TENM2: variants seen among roughly 807,000 people sequenced by gnomAD.
TENM2 encodes the protein teneurin-2.
Under a neutral mutation model 245.2 loss-of-function variants are expected in TENM2, and 52 were observed. That is an observed-to-expected ratio of 0.21 (90% confidence interval 0.17 to 0.27). TENM2 has a LOEUF of 0.27. Ranked by LOEUF, TENM2 falls within the 10% of genes least tolerant of loss-of-function variation. TENM2 has a pLI of 1.00. For missense variants in TENM2, 3,046 were observed against 3,666.8 expected (o/e 0.83, Z 4.37); for synonymous variants, 1,363 against 1,438.9 (o/e 0.95, Z 1.19).
At chr5:167,891,445 T>C (rs1444952527) in intron 3 of TENM2, among the ~76,000 whole-genome samples, 1 of 152,144 alleles carries the variant, frequency 6.6e-6, no homozygotes, top group Non-Finnish European at 1.5e-5. Flanking sequence ...GCTGGACTTC[T>C]TAACAAGTAC....
chr5:168,060,227 GAAAAAAA>G (rs79503783), intron 6 of TENM2, among the ~76,000 whole-genome samples: 16 of 119,642 alleles, frequency 1.3e-4, no homozygotes, highest in South Asian at 2.6e-4. Context: ...TTGTCTCTAC[GAAAAAAA>G]AAAAAAAAGA....
At chr5:167,308,543 T>C (rs1351733546) in intron 1 of TENM2, among the ~76,000 whole-genome samples, 1 of 152,186 alleles carries the variant, frequency 6.6e-6, no homozygotes, top group Admixed American at 6.5e-5. Flanking sequence ...ATGTGCTGTC[T>C]CAGCCCAGGA....
chr5:167,125,072 G>A, the TENM2 span, among the ~76,000 whole-genome samples: 1 of 152,166 alleles, frequency 6.6e-6, no homozygotes, highest in Non-Finnish European at 1.5e-5. Context: ...GAAATGCCAA[G>A]TTCTTTTGGG....
intron 5 of TENM2, among the ~76,000 whole-genome samples, chr5:168,025,790 A>G (rs544229129): frequency 2.0e-5 from 3 of 152,316 alleles, no homozygotes; most frequent in East Asian, 1.9e-4. Flanking sequence ...ATTCTTGAAC[A>G]TGAAGAGACC....
the TENM2 span, among the ~76,000 whole-genome samples, chr5:167,223,057 C>G: frequency 6.6e-6 from 1 of 151,938 alleles, no homozygotes; most frequent in Non-Finnish European, 1.5e-5. Context: ...AATTTTTTGA[C>G]ATATTTTTAC....
chr5:167,745,348 G>T (rs1761483999), intron 2 of TENM2, among the ~76,000 whole-genome samples: 1 of 152,208 alleles, frequency 6.6e-6, no homozygotes, highest in South Asian at 2.1e-4. Flanking sequence ...CTCAGAGAAT[G>T]TTGGCTCTGC....
At chr5:168,149,255 G>T (rs756325075) in intron 12 of TENM2, among the ~76,000 whole-genome samples, 10 of 152,096 alleles carry the variant, frequency 6.6e-5, no homozygotes, top group Non-Finnish European at 1.5e-4. Flanking sequence ...TGTCTGTCCT[G>T]ATGCGGCACG....
chr5:167,575,248 T>C (rs1351426753), intron 2 of TENM2, among the ~76,000 whole-genome samples: 2 of 152,108 alleles, frequency 1.3e-5, no homozygotes, highest in East Asian at 3.9e-4. Flanking sequence ...CATTTTTAAA[T>C]GTTTTTATGA....
chr5:167,554,157 A>G (rs1287576519), intron 2 of TENM2, among the ~76,000 whole-genome samples: 1 of 152,194 alleles, frequency 6.6e-6, no homozygotes, highest in African/African-American at 2.4e-5. Context: ...CCGCCCTCCA[A>G]TTTTATGGAC....
chr5:167,132,347 G>A, the TENM2 span, among the ~76,000 whole-genome samples: 18 of 152,092 alleles, frequency 1.2e-4, no homozygotes, highest in East Asian at 1.9e-3. Flanking sequence ...GCAACATTTC[G>A]GAAAGGCCCT....
the TENM2 span, among the ~76,000 whole-genome samples, chr5:167,014,140 C>CTTTTTTTTTTTTTT: frequency 7.9e-4 from 101 of 128,626 alleles, 2 homozygotes; most frequent in East Asian, 6.8e-3. Flanking sequence ...AAAACCAATT[C>CTTTTTTTTTTTTTT]TTTTTTTTTT....
chr5:167,096,897 C>T, the TENM2 span, among the ~76,000 whole-genome samples: 3 of 152,086 alleles, frequency 2.0e-5, no homozygotes, highest in South Asian at 2.1e-4. Context: ...AAACACATTT[C>T]GGTCTTGGTT....
intron 7 of TENM2, among the ~76,000 whole-genome samples, chr5:168,083,378 T>G (rs924491391): frequency 1.1e-4 from 16 of 152,222 alleles, no homozygotes; most frequent in Non-Finnish European, 1.5e-4. Context: ...GGAAAGGGAA[T>G]TCCCTGACCC....
At chr5:167,438,019 A>G (rs1764662736) in intron 2 of TENM2, among the ~76,000 whole-genome samples, 1 of 152,208 alleles carries the variant, frequency 6.6e-6, no homozygotes. Context: ...GTCTCCCAAA[A>G]TATAATTTAA....
chr5:168,138,331 A>G (rs1755245485), intron 12 of TENM2, among the ~76,000 whole-genome samples: 1 of 152,248 alleles, frequency 6.6e-6, no homozygotes, highest in Non-Finnish European at 1.5e-5. Context: ...ACTGATGGAG[A>G]GCACTTAACA....
the TENM2 span, among the ~76,000 whole-genome samples, chr5:167,224,351 G>A: frequency 6.6e-6 from 1 of 152,012 alleles, no homozygotes; most frequent in Non-Finnish European, 1.5e-5. Context: ...AATCTATCTT[G>A]AGTTGATTGC....
the TENM2 span, among the ~76,000 whole-genome samples, chr5:167,017,905 A>G: frequency 4.6e-5 from 7 of 152,214 alleles, no homozygotes; most frequent in Non-Finnish European, 1.0e-4. Flanking sequence ...CGGAGATGAC[A>G]AACAAGTCAA....
chr5:167,298,919 G>A (rs1755136915), intron 1 of TENM2, among the ~76,000 whole-genome samples: 1 of 152,160 alleles, frequency 6.6e-6, no homozygotes, highest in South Asian at 2.1e-4. Context: ...GAAGATAGTA[G>A]GGATGACAAG....
intron 2 of TENM2, among the ~76,000 whole-genome samples, chr5:167,592,002 A>T (rs1258092877): frequency 6.6e-6 from 1 of 152,242 alleles, no homozygotes; most frequent in Non-Finnish European, 1.5e-5. Context: ...AGATCAAGTG[A>T]TACAGCATTT....
Sources: allele counts gnomAD v4.1 joint callset (sites outside exome capture counted in the v4.1 genomes callset), GRCh38; gene constraint gnomAD v4.1.1; transcripts MANE v1.5; gene names NCBI Gene and HGNC (gene_info 2026-07-23, HGNC 2026-07-21).